Variants in MRPS25 observed in about 807,000 individuals in gnomAD.
MRPS25 encodes small ribosomal subunit protein mS25.
Under a neutral mutation model 17.3 loss-of-function variants are expected in MRPS25, and 15 were observed. The ratio of observed to expected loss-of-function variants is 0.87; its 90% CI spans 0.58 to 1.34. The LOEUF is 1.34. MRPS25 is among the 40% of genes most tolerant of loss of function. MRPS25 has a pLI of 0.00. For missense variants in MRPS25, 225 were observed against 218.6 expected, an observed-to-expected ratio of 1.03 and a Z score of -0.19; for synonymous variants, 94 against 83.3, an observed-to-expected ratio of 1.13 and a Z score of -0.70.
At chr3:15,055,317 A>C (rs28778661) in intron 2 of MRPS25, among the ~76,000 whole-genome samples, 59,529 of 152,060 alleles carry the variant, frequency 0.39, 12,974 homozygotes, top group African/African-American at 0.58. Flanking sequence ...AACCACATCA[A>C]TGAATAAACA....
At chr3:15,060,620 T>C (rs1474559302) in intron 1 of MRPS25, among the ~76,000 whole-genome samples, 1 of 151,674 alleles carries the variant, frequency 6.6e-6, no homozygotes, top group Admixed American at 6.6e-5. Flanking sequence ...CGGTGGCTCA[T>C]GCCTGTAATC....
At chr3:15,054,648 GC>G (rs2042647347) in intron 2 of MRPS25, among the ~76,000 whole-genome samples, 2 of 152,028 alleles carry the variant, frequency 1.3e-5, no homozygotes, top group East Asian at 3.9e-4. Flanking sequence ...CCTTACCTAG[GC>G]AAGTATATTT....
chr3:15,042,823 C>T (rs748271349), downstream of MRPS25: 5 of 1,612,076 alleles, frequency 3.1e-6, no homozygotes, highest in Non-Finnish European at 1.7e-6. Context: ...TAATGACACT[C>T]CCTTTTATAG....
At position 15,052,341 on chromosome 3, in the gene MRPS25, TCCAGGGACAGAA is replaced by T; in HGVS notation, c.*88_*99del. ...TTAATGCAAAAGGATTTCCAGAGTC[TCCAGGGACAGAA>T]CCAGGGGCTTCCCTGGGCCAAAGTA... On this transcript the variant is annotated 3_prime_UTR_variant, in exon 4 of 4. Transcript: ENST00000253686. 1 of 1,514,084 alleles carries T rather than the reference TCCAGGGACAGAA, an allele frequency of 6.6e-7. No homozygotes were observed. The allele number at this position is 1,514,084 out of a possible 1,614,324, so 93.8% of individuals were successfully genotyped here. A position where few individuals can be genotyped will look rare whatever the true frequency, so the allele number is the denominator to read the frequency against.
downstream of MRPS25, chr3:15,043,127 G>T: frequency 1.1e-6 from 1 of 918,088 alleles, no homozygotes. Context: ...TTTCCTGTCT[G>T]GTTTCTCCTT....
At chr3:15,063,593 T>C (rs1305818366) in intron 1 of MRPS25, among the ~76,000 whole-genome samples, 1 of 152,040 alleles carries the variant, frequency 6.6e-6, no homozygotes, top group Non-Finnish European at 1.5e-5. Flanking sequence ...AAAGAAACAG[T>C]GAATGGCTGT....
intron 3 of MRPS25, 58 bp downstream of exon 3, chr3:15,053,322 T>C (rs2042629628): frequency 6.2e-7 from 1 of 1,611,902 alleles, no homozygotes; most frequent in Admixed American, 1.7e-5. Flanking sequence ...ACCCCTTTCT[T>C]CCTCAAATTC....
intron 2 of MRPS25, among the ~76,000 whole-genome samples, chr3:15,055,063 C>T (rs2042653039): frequency 6.6e-6 from 1 of 152,174 alleles, no homozygotes; most frequent in African/African-American, 2.4e-5. Context: ...AGCAAGGAGT[C>T]TCACATGGTG....
rs1033584452 is a variant in MRPS25, at chr3:15,049,790, C to T, written c.*2651G>A. On this transcript the variant is annotated 3_prime_UTR_variant, in exon 4 of 4. Transcript: ENST00000253686. ...CTGGCAGGCAGATAGGGCCTCACTC[C>T]GTCACCCAGGCTGGAATGCAGTGGT... 2.6e-5 allele frequency: 21 copies of T among 794,462 alleles called. No homozygotes were observed. The highest frequency in any genetic ancestry group is 1.8e-4 in the African/African-American group (10 of 57,130). The allele number at this position is 794,462 out of a possible 1,614,324, so 49.2% of individuals were successfully genotyped here. A position where few individuals can be genotyped will look rare whatever the true frequency, so the allele number is the denominator to read the frequency against.
chr3:15,052,451 G>T lies in MRPS25; in HGVS notation c.512C>A (p.Ala171Asp). The T allele has an allele frequency of 6.2e-7, 1 of 1,613,514 alleles. No homozygotes were observed. The highest frequency in any genetic ancestry group is 8.5e-7 in the Non-Finnish European group (1 of 1,179,502). Residue 171 changes from alanine (A) to aspartate (D), a missense_variant, in exon 4 of 4, where the codon GCC becomes GAC. Physicochemically the swap from Ala to Asp is moderately radical, Grantham distance 126. Coordinates refer to ENST00000253686, the MANE Select transcript of MRPS25 (RefSeq NM_022497.5). ...CAGTGACCGTGGGCCTTAGTCCTGGGCATCGGCTTTCAGAGCGGCTTTGTA... is the reference window on the plus strand; with the variant it reads ...CAGTGACCGTGGGCCTTAGTCCTGGTCATCGGCTTTCAGAGCGGCTTTGTA... ...GKYKAALKADAQD is the reference protein window; with the variant it reads ...GKYKAALKADDQD
intron 2 of MRPS25, among the ~76,000 whole-genome samples, chr3:15,054,001 A>C (rs1428416894): frequency 6.6e-6 from 1 of 152,218 alleles, no homozygotes; most frequent in African/African-American, 2.4e-5. Flanking sequence ...TCAAACCTGT[A>C]ATTCCAGCAC....
In MRPS25 at chr3:15,051,328, C is replaced by G. The variant is rs781352702; in HGVS notation, c.*1113G>C. Reference sequence around the variant, plus strand: ...CTTCCCAAATAGCTGGGACTACAGACGCGAAACACCACACCCATCTAATTT... The same window carrying G: ...CTTCCCAAATAGCTGGGACTACAGAGGCGAAACACCACACCCATCTAATTT... On this transcript the variant is annotated 3_prime_UTR_variant, in exon 4 of 4. Transcript: ENST00000253686. The G allele has an allele frequency of 2.0e-6, 1 of 511,990 alleles. No individual in the cohort carries two copies. Among genetic ancestry groups the G allele is most frequent in the Non-Finnish European group, 2.5e-6 (1 of 397,528 alleles). 31.7% of individuals were successfully genotyped at this position (511,990 alleles called of 1,614,324 possible). A position where few individuals can be genotyped will look rare whatever the true frequency, so the allele number is the denominator to read the frequency against.
chr3:15,057,231 T>C, intron 2 of MRPS25, among the ~76,000 whole-genome samples: 1 of 152,220 alleles, frequency 6.6e-6, no homozygotes. Context: ...GGCTAGAATG[T>C]CCCGCTGCGC....
chr3:15,065,117 G>C lies in MRPS25; in HGVS notation c.78C>G (p.Ser26=). The change falls in exon 1 of 4, where the codon TCC becomes TCG. Residue 26 remains serine (S), a synonymous_variant. Coordinates refer to ENST00000253686, the MANE Select transcript of MRPS25 (RefSeq NM_022497.5). ...TGTAATTCACTGTCATGACCTTCACGGAGTCCTTGAACACCACGTTCCCCT... is the reference window on the plus strand; with the variant it reads ...TGTAATTCACTGTCATGACCTTCACCGAGTCCTTGAACACCACGTTCCCCT... ...LSQGNVVFKD[S]VKVMTVNYNT... 1.2e-6 allele frequency: 2 copies of C among 1,609,144 alleles called. No individual in the cohort carries two copies. Among genetic ancestry groups the C allele is most frequent in the East Asian group, 2.2e-5 (1 of 44,648 alleles).
rs575564610 is a variant in MRPS25, at chr3:15,050,252, T to C, written c.*2189A>G. On this transcript the variant is annotated 3_prime_UTR_variant, in exon 4 of 4. Transcript: ENST00000253686. The stretch of plus-strand genomic sequence containing the variant: ...ACTGCACCACAGGACTGCTGCTGTC[T>C]CCACACGTCCTTTCAGGGTCTGGGC... 6.2e-6 allele frequency: 7 copies of C among 1,137,802 alleles called. No homozygotes were observed. The highest frequency in any genetic ancestry group is 7.6e-6 in the Non-Finnish European group (7 of 925,982). 70.5% of individuals were successfully genotyped at this position (1,137,802 alleles called of 1,614,324 possible).
intron 1 of MRPS25, among the ~76,000 whole-genome samples, chr3:15,061,945 G>A (rs1186783623): frequency 7.1e-6 from 1 of 140,914 alleles, no homozygotes; most frequent in Non-Finnish European, 1.5e-5. Flanking sequence ...CCCGGCAGCC[G>A]CCCCGTCTGA....
At position 15,049,925 on chromosome 3, in the gene MRPS25, C is replaced by T. The variant is rs1392710015; in HGVS notation, c.*2516G>A. 6.5e-7 allele frequency: 1 copy of T among 1,531,922 alleles called. No homozygotes were observed. Among genetic ancestry groups the T allele is most frequent in the East Asian group, 2.5e-5 (1 of 40,634 alleles). The allele number at this position is 1,531,922 out of a possible 1,614,324, so 94.9% of individuals were successfully genotyped here. A position where few individuals can be genotyped will look rare whatever the true frequency, so the allele number is the denominator to read the frequency against. On this transcript the variant is annotated 3_prime_UTR_variant, in exon 4 of 4. Coordinates refer to ENST00000253686, the MANE Select transcript of MRPS25 (RefSeq NM_022497.5). ...GATGATACAGGTTTAGATGGTGCTGCCAGGTAGTGCCTCAAAGAGAAGAAA... is the reference window on the plus strand; with the variant it reads ...GATGATACAGGTTTAGATGGTGCTGTCAGGTAGTGCCTCAAAGAGAAGAAA...
Position 15,052,644 on chromosome 3 carries a change from G to A in MRPS25, c.330-11C>T, listed in dbSNP as rs1378919972. The A allele has an allele frequency of 1.2e-6, 2 of 1,610,688 alleles. No homozygotes were observed. Among genetic ancestry groups the A allele is most frequent in the South Asian group, 2.2e-5 (2 of 90,984 alleles). The stretch of plus-strand genomic sequence containing the variant: ...TCCCTGAGGGTTTCCCTGCCAAAGA[G>A]CACAGACGGCAACCAAGCATTGGCA... On this transcript the variant is annotated splice_polypyrimidine_tract_variant and intron_variant, in intron 3 of 3. Coordinates refer to ENST00000253686, the MANE Select transcript of MRPS25 (RefSeq NM_022497.5).
chr3:15,059,360 C>T lies in MRPS25; in HGVS notation c.241+9G>A, dbSNP rs999336736. ...ACAGCCCCTGGACCATGGCGAGGGCCCCACTCACCTAAGTAGAATCGCAGG... is the reference window on the plus strand; with the variant it reads ...ACAGCCCCTGGACCATGGCGAGGGCTCCACTCACCTAAGTAGAATCGCAGG... On this transcript the variant is annotated intron_variant, in intron 2 of 3. Coordinates refer to ENST00000253686, the MANE Select transcript of MRPS25 (RefSeq NM_022497.5). 5.7e-6 allele frequency: 9 copies of T among 1,588,080 alleles called. No homozygotes were observed. The East Asian group carries it at 2.0e-4, about 36-fold the overall frequency.
Sources: allele counts gnomAD v4.1 joint callset (sites outside exome capture counted in the v4.1 genomes callset), GRCh38; gene constraint gnomAD v4.1.1; transcripts MANE v1.5; gene names NCBI Gene and HGNC (gene_info 2026-07-23, HGNC 2026-07-21).